ADAMTSL1: variants seen among roughly 807,000 people sequenced by gnomAD.
ADAMTSL1 encodes ADAMTS-like protein 1.
In ADAMTSL1, 126 loss-of-function variants were observed where a neutral mutation model predicts 201.8. The ratio of observed to expected loss-of-function variants is 0.62; its 90% confidence interval spans 0.54 to 0.72. ADAMTSL1 has a LOEUF of 0.72. Ranked by LOEUF, ADAMTSL1 falls within the 30% of genes least tolerant of loss-of-function variation. The pLI, the probability that ADAMTSL1 is intolerant of heterozygous loss-of-function variation, is 0.00. For synonymous variants in ADAMTSL1, 1,121 were observed against 903.4 expected (o/e 1.24, Z -4.32); for missense variants, 2,679 against 2,277.8 (o/e 1.18, Z -3.59).
intron 2 of ADAMTSL1, among the ~76,000 whole-genome samples, chr9:18,219,747 C>A (rs539585045): frequency 6.6e-6 from 1 of 152,042 alleles, no homozygotes; most frequent in African/African-American, 2.4e-5. Flanking sequence ...AGGTTTAGGC[C>A]TAAGTTCTTT....
chr9:18,799,931 G>A (rs1421740545), intron 20 of ADAMTSL1, among the ~76,000 whole-genome samples: 1 of 152,190 alleles, frequency 6.6e-6, no homozygotes, highest in Admixed American at 6.5e-5. Context: ...TTATCATAAT[G>A]TAAGTCACTT....
chr9:18,034,197 C>T (rs1821096051), intron 1 of ADAMTSL1, among the ~76,000 whole-genome samples: 2 of 152,118 alleles, frequency 1.3e-5, no homozygotes, highest in Non-Finnish European at 2.9e-5. Context: ...CTTTTTCTCA[C>T]CCTTCTCATT....
At chr9:17,972,187 A>C (rs1818230932) in intron 1 of ADAMTSL1, among the ~76,000 whole-genome samples, 1 of 147,208 alleles carries the variant, frequency 6.8e-6, no homozygotes, top group African/African-American at 2.5e-5. Context: ...TTATACTTTA[A>C]GTTTTAGGGT....
chr9:18,813,791 A>C (rs1164845827), intron 20 of ADAMTSL1, among the ~76,000 whole-genome samples: 2 of 152,164 alleles, frequency 1.3e-5, no homozygotes, highest in Non-Finnish European at 2.9e-5. Context: ...TTCCAATTTG[A>C]ATGCCCTTTA....
At chr9:18,598,343 G>C (rs914907032) in intron 4 of ADAMTSL1, among the ~76,000 whole-genome samples, 1 of 152,072 alleles carries the variant, frequency 6.6e-6, no homozygotes, top group Non-Finnish European at 1.5e-5. Flanking sequence ...CTCAAACCTG[G>C]GTCTTCTGGC....
intron 2 of ADAMTSL1, among the ~76,000 whole-genome samples, chr9:18,522,681 A>G (rs1281619907): frequency 6.7e-5 from 10 of 150,118 alleles, no homozygotes; most frequent in Non-Finnish European, 4.4e-5. Context: ...ATGAGTGAGA[A>G]CATGCGATGT....
At chr9:17,985,434 T>C (rs1367647607) in intron 1 of ADAMTSL1, among the ~76,000 whole-genome samples, 1 of 152,112 alleles carries the variant, frequency 6.6e-6, no homozygotes, top group East Asian at 1.9e-4. Flanking sequence ...AAAATTTAAA[T>C]AGGCAGATTT....
chr9:18,748,434 A>G (rs1378571945), intron 15 of ADAMTSL1, among the ~76,000 whole-genome samples: 1 of 152,186 alleles, frequency 6.6e-6, no homozygotes, highest in African/African-American at 2.4e-5. Flanking sequence ...TGGGGGAAAA[A>G]CACCATAATC....
chr9:18,396,608 TATA>T (rs1817763168), intron 2 of ADAMTSL1, among the ~76,000 whole-genome samples: 1 of 149,434 alleles, frequency 6.7e-6, no homozygotes, highest in Non-Finnish European at 1.5e-5. Flanking sequence ...TAAATATTTT[TATA>T]ATATTATTTT....
chr9:18,752,911 A>G (rs915975388), intron 15 of ADAMTSL1, among the ~76,000 whole-genome samples: 4 of 152,222 alleles, frequency 2.6e-5, no homozygotes, highest in African/African-American at 9.6e-5. Flanking sequence ...TGGAGAAATT[A>G]GCAGAAAGTC....
chr9:18,445,890 C>G (rs377405575), intron 2 of ADAMTSL1, among the ~76,000 whole-genome samples: 1 of 152,140 alleles, frequency 6.6e-6, no homozygotes, highest in Non-Finnish European at 1.5e-5. Flanking sequence ...ACTATATGCA[C>G]AATACTGTAT....
chr9:18,803,532 A>T lies in ADAMTSL1; in HGVS notation c.3805+8008A>T, dbSNP rs187294953. On this transcript the variant is annotated intron_variant, in intron 20 of 28. Coordinates refer to ENST00000380548, the MANE Select transcript of ADAMTSL1 (RefSeq NM_001040272.6). The stretch of plus-strand genomic sequence containing the variant: ...AGGTTCCAGGGATTATGACATAAAC[A>T]TCTTGGAAGGTCATTATTCCGCCCA... Among the ~76,000 whole-genome samples the T allele has an allele frequency of 2.6e-5, 4 of 152,272 alleles. No homozygotes were observed. In the East Asian group the frequency reaches 7.7e-4, roughly 29 times the overall value.
intron 1 of ADAMTSL1, among the ~76,000 whole-genome samples, chr9:17,914,006 C>G (rs1779154302): frequency 6.6e-6 from 1 of 152,122 alleles, no homozygotes; most frequent in Non-Finnish European, 1.5e-5. Flanking sequence ...GAATAACAGG[C>G]TCTGAAATTG....
intron 7 of ADAMTSL1, among the ~76,000 whole-genome samples, chr9:18,651,823 T>C (rs957772043): frequency 6.6e-6 from 1 of 152,080 alleles, no homozygotes; most frequent in Non-Finnish European, 1.5e-5. Context: ...GATACAAAAC[T>C]TGCTTTTATT....
At position 18,817,253 on chromosome 9, in the gene ADAMTSL1, T is replaced by G. The variant is rs1823922220; in HGVS notation, c.3934+16T>G. 2 of 1,550,356 alleles carry G rather than the reference T, an allele frequency of 1.3e-6. No homozygotes were observed. On this transcript the variant is annotated intron_variant, in intron 21 of 28. Transcript: ENST00000380548. ...CAGGTTGCAGGTGAGAAATTAATGT[T>G]CATTTGTTCACACGTTAATGGAGCC...
chr9:18,835,310 C>A (rs1347265), intron 23 of ADAMTSL1, among the ~76,000 whole-genome samples: 49,158 of 151,864 alleles, frequency 0.32, 8,022 homozygotes, highest in East Asian at 0.46. Context: ...TTTATTTAAA[C>A]ATTGAGTTGT....
chr9:18,595,423 A>G (rs1824199509), intron 4 of ADAMTSL1, among the ~76,000 whole-genome samples: 1 of 152,028 alleles, frequency 6.6e-6, no homozygotes, highest in East Asian at 1.9e-4. Flanking sequence ...CCCCCTTGAG[A>G]TCTGCTATGG....
chr9:18,903,724 T>G (rs1830135252), intron 26 of ADAMTSL1, among the ~76,000 whole-genome samples: 1 of 151,560 alleles, frequency 6.6e-6, no homozygotes, highest in Non-Finnish European at 1.5e-5. Context: ...GATTGATTGG[T>G]GTCAGGAGCA....
In ADAMTSL1 at chr9:18,721,675, G is replaced by C. The variant is rs199664573; in HGVS notation, c.2006+10G>C. ...ATCCCTGCCCAGCAAGGTAAGGGAT[G>C]TGTGGCCTGCCCTGCTGTCCAGGGG... On this transcript the variant is annotated intron_variant, in intron 15 of 28. Transcript: ENST00000380548. 3.0e-5 allele frequency: 48 copies of C among 1,613,522 alleles called. No individual in the cohort carries two copies. The African/African-American group carries it at 5.7e-4, about 19-fold the overall frequency.
Sources: allele counts gnomAD v4.1 joint callset (sites outside exome capture counted in the v4.1 genomes callset), GRCh38; gene constraint gnomAD v4.1.1; transcripts MANE v1.5; gene names NCBI Gene and HGNC (gene_info 2026-07-23, HGNC 2026-07-21).